ALPK2: variants seen among roughly 807,000 people sequenced by gnomAD.
ALPK2 encodes the protein alpha-protein kinase 2.
Under a neutral mutation model 163.1 loss-of-function variants are expected in ALPK2, and 127 were observed. The ratio of observed to expected loss-of-function variants is 0.78; its 90% CI spans 0.67 to 0.90. ALPK2 has a LOEUF of 0.90. Among genes scored for constraint, ALPK2 ranks in the 40% least tolerant of loss-of-function variants. ALPK2 has a pLI of 0.00. For synonymous variants in ALPK2, 953 were observed against 959.1 expected (o/e 0.99, Z 0.12); for missense variants, 2,360 against 2,589.6 (o/e 0.91, Z 1.92).
rs966662214 is a variant in ALPK2, at chr18:58,587,905, T to C, written c.228-7357A>G. Among the ~76,000 whole-genome samples the C allele has an allele frequency of 2.0e-5, 3 of 152,248 alleles. No individual in the cohort carries two copies. In the East Asian group the frequency reaches 5.8e-4, roughly 29 times the overall value. On this transcript the variant is annotated intron_variant, in intron 3 of 12. Transcript: ENST00000361673. ...TTTGGATTTTATCACTGGCAACAAA[T>C]ACTTTTAGTTTTCCTTGAAGTGGCA...
intron 3 of ALPK2, among the ~76,000 whole-genome samples, chr18:58,590,466 A>T (rs2052009455): frequency 6.6e-6 from 1 of 152,124 alleles, no homozygotes; most frequent in Non-Finnish European, 1.5e-5. Flanking sequence ...CCATTGCAGC[A>T]GGGAGGGGGA....
chr18:58,541,723 C>T (rs1231215156), intron 4 of ALPK2, among the ~76,000 whole-genome samples: 4 of 152,162 alleles, frequency 2.6e-5, no homozygotes, highest in South Asian at 2.1e-4. Flanking sequence ...ACAACTGGCC[C>T]GCTGCTGATA....
At chr18:58,617,964 C>T (rs1336641910) in intron 1 of ALPK2, among the ~76,000 whole-genome samples, 1 of 152,204 alleles carries the variant, frequency 6.6e-6, no homozygotes, top group East Asian at 1.9e-4. Context: ...GTACATGCTT[C>T]CTTAGACACA....
At chr18:58,627,358 C>T (rs1265016036) in intron 1 of ALPK2, among the ~76,000 whole-genome samples, 3 of 152,224 alleles carry the variant, frequency 2.0e-5, no homozygotes, top group Admixed American at 6.5e-5. Flanking sequence ...CGGTGGCTCA[C>T]GCCTGTAATC....
chr18:58,493,546 A>T (rs2144102553), intron 12 of ALPK2, among the ~76,000 whole-genome samples: 1 of 152,098 alleles, frequency 6.6e-6, no homozygotes, highest in African/African-American at 2.4e-5. Context: ...TTTCTTTTGG[A>T]ACTCAGCTTG....
rs2051647083 is a variant in ALPK2 at position 58,536,295 on chromosome 18, G to A, written c.3892C>T (p.His1298Tyr). The change falls in exon 5 of 13, where the codon CAC becomes TAC. Residue 1298 changes from histidine to tyrosine, a missense_variant. Coordinates refer to ENST00000361673, the MANE Select transcript of ALPK2 (RefSeq NM_052947.4). ...LAPSEIAALAHSPEDAESALA... is the reference protein window; with the variant it reads ...LAPSEIAALAYSPEDAESALA... ...GCTGACTCAGCATCCTCTGGACTGT[G>A]AGCCAATGCTGCTATTTCAGAGGGG... 2 of 1,614,088 alleles carry A rather than the reference G, an allele frequency of 1.2e-6. No individual in the cohort carries two copies. Among genetic ancestry groups the A allele is most frequent in the Non-Finnish European group, 1.7e-6 (2 of 1,180,048 alleles).
chr18:58,561,896 C>T lies in ALPK2; in HGVS notation c.1962+16918G>A, dbSNP rs151259996. On this transcript the variant is annotated intron_variant, in intron 4 of 12. Transcript: ENST00000361673. ...TGGACTGAGTAGCTATGGGGCAGGG[C>T]ATTATCAGCACCTGCCTTGGGAGTA... 3.9e-3 allele frequency among the ~76,000 whole-genome samples: 595 copies of T among 152,310 alleles called. 2 individuals are homozygous for T. The highest frequency in any genetic ancestry group is 0.013 in the African/African-American group (550 of 41,570).
At chr18:58,543,421 C>G in intron 4 of ALPK2, 1 of 985,266 alleles carries the variant, frequency 1.0e-6, no homozygotes, top group Non-Finnish European at 1.2e-6. Context: ...GCAGTCTGTG[C>G]GTTGATACAG....
intron 12 of ALPK2, among the ~76,000 whole-genome samples, chr18:58,483,550 T>C (rs567788797): frequency 9.3e-4 from 140 of 150,718 alleles, no homozygotes; most frequent in Non-Finnish European, 1.8e-3. Context: ...TATTTATTTA[T>C]TTATTTATTT....
chr18:58,505,828 C>G (rs1266506353), intron 10 of ALPK2, among the ~76,000 whole-genome samples: 1 of 152,182 alleles, frequency 6.6e-6, no homozygotes, highest in Non-Finnish European at 1.5e-5. Flanking sequence ...TCTTCTCGGC[C>G]CCCACCCCCT....
chr18:58,548,988 C>A lies in ALPK2; in HGVS notation c.1963-10764G>T, dbSNP rs141952905. Among the ~76,000 whole-genome samples the A allele has an allele frequency of 3.1e-3, 473 of 152,292 alleles. 3 individuals carry two copies. The highest frequency in any genetic ancestry group is 0.011 in the African/African-American group (452 of 41,560). On this transcript the variant is annotated intron_variant, in intron 4 of 12. Transcript: ENST00000361673. ...ATTGATCTCCTACCTGAAAATTGCTCCAGGCTCCTGCGTTTTGGTTAATAT... is the reference window on the plus strand; with the variant it reads ...ATTGATCTCCTACCTGAAAATTGCTACAGGCTCCTGCGTTTTGGTTAATAT...
At chr18:58,600,267 C>T (rs1267199503) in intron 3 of ALPK2, among the ~76,000 whole-genome samples, 1 of 152,100 alleles carries the variant, frequency 6.6e-6, no homozygotes, top group East Asian at 1.9e-4. Flanking sequence ...GAACTCCTGA[C>T]CTCAAGAGAT....
Position 58,537,346 on chromosome 18 carries a change from A to T in ALPK2, c.2841T>A (p.Ser947=). ...SGGLDETQLL[S]SENNPLVQFK... Reference sequence around the variant, plus strand: ...ATTGCACTAAAGGATTGTTCTCAGAAGAAAGGAGCTGTGTTTCATCAAGCC... The same window carrying T: ...ATTGCACTAAAGGATTGTTCTCAGATGAAAGGAGCTGTGTTTCATCAAGCC... Residue 947 remains serine (S), a synonymous_variant, in exon 5 of 13, where the codon TCT becomes TCA. Transcript: ENST00000361673. 6.2e-7 allele frequency: 1 copy of T among 1,614,076 alleles called. No homozygotes were observed. Among genetic ancestry groups the T allele is most frequent in the Non-Finnish European group, 8.5e-7 (1 of 1,179,966 alleles).
rs778444545 is a variant in ALPK2, at chr18:58,579,977, G to A, written c.799C>T (p.Gln267Ter). 1.9e-5 allele frequency: 31 copies of A among 1,614,074 alleles called. No homozygotes were observed. Among genetic ancestry groups the A allele is most frequent in the Non-Finnish European group, 2.4e-5 (28 of 1,180,050 alleles). Residue 267 changes from glutamine to a stop codon, truncating the protein, a stop_gained, in exon 4 of 13, where the codon CAG becomes TAG. Transcript: ENST00000361673. LOFTEE classifies it high-confidence loss of function. The stretch of plus-strand genomic sequence containing the variant: ...GGGAGGCTGAAGCTAATGTATTTCT[G>A]TACTTTGGGATTTTGCTGACTAGAG... Reference protein sequence around the residue: ...LRSSQQNPKVQKYISFSLPLS... With the variant: ...LRSSQQNPKV
chr18:58,528,840 G>C (rs11659982), intron 6 of ALPK2: 1 of 463,840 alleles, frequency 2.2e-6, no homozygotes, highest in Admixed American at 3.7e-5. Flanking sequence ...AAAAAATGTA[G>C]TGAAAGGTTG....
intron 5 of ALPK2, among the ~76,000 whole-genome samples, chr18:58,531,363 G>A (rs907247770): frequency 1.3e-5 from 2 of 152,012 alleles, no homozygotes; most frequent in Admixed American, 6.5e-5. Context: ...AGACTGCTGG[G>A]TAGGGCACAG....
intron 4 of ALPK2, among the ~76,000 whole-genome samples, chr18:58,556,298 T>C (rs2051790877): frequency 6.6e-6 from 1 of 152,222 alleles, no homozygotes; most frequent in Non-Finnish European, 1.5e-5. Context: ...TCGACAGTTA[T>C]TTTAGTTTTG....
At chr18:58,562,923 AC>A (rs2051832364) in intron 4 of ALPK2, among the ~76,000 whole-genome samples, 1 of 150,854 alleles carries the variant, frequency 6.6e-6, no homozygotes, top group Non-Finnish European at 1.5e-5. Context: ...CAGCCTCATG[AC>A]CTCATCTAAA....
chr18:58,507,181 G>A (rs952069465), intron 10 of ALPK2, among the ~76,000 whole-genome samples: 3 of 152,196 alleles, frequency 2.0e-5, no homozygotes, highest in Admixed American at 2.0e-4. Context: ...ATCTAATGTA[G>A]GCCCCTAACT....
Sources: gnomAD v4.1 joint callset for allele counts (sites outside exome capture counted in the v4.1 genomes callset) on GRCh38, gnomAD v4.1.1 for gene constraint, MANE v1.5 for transcripts, NCBI Gene and HGNC (gene_info 2026-07-23, HGNC 2026-07-21) for gene names.